The following EPB41L4A variants were observed in gnomAD, a reference collection of about 807,000 sequenced individuals.
EPB41L4A encodes the protein band 4.1-like protein 4A.
In EPB41L4A, 100 loss-of-function variants were observed where a neutral mutation model predicts 108.6. The observed-to-expected ratio is 0.92, with a 90% confidence interval of 0.78 to 1.09. The LOEUF (loss-of-function observed/expected upper bound fraction) is 1.09, where lower values mean the gene tolerates loss of function less well. Among genes scored for constraint, EPB41L4A ranks in the 50% least tolerant of loss-of-function variants. The pLI is 0.00. For missense variants in EPB41L4A, 1,030 were observed against 842.7 expected, an observed-to-expected ratio of 1.22 and a Z score of -2.75; for synonymous variants, 319 against 289.0, an observed-to-expected ratio of 1.10 and a Z score of -1.05.
At chr5:112,324,480 C>T (rs1231310327) in intron 1 of EPB41L4A, among the ~76,000 whole-genome samples, 2 of 152,008 alleles carry the variant, frequency 1.3e-5, no homozygotes, top group African/African-American at 2.4e-5. Flanking sequence ...AATCCTAACA[C>T]TTTGGAGGCC....
At chr5:112,191,028 TTC>T (rs1761670799) in intron 17 of EPB41L4A, among the ~76,000 whole-genome samples, 1 of 152,076 alleles carries the variant, frequency 6.6e-6, no homozygotes, top group African/African-American at 2.4e-5. Context: ...AATAAGAACT[TTC>T]TGTCATCTTA....
chr5:112,402,058 C>T (rs560377757), intron 1 of EPB41L4A, among the ~76,000 whole-genome samples: 4 of 152,314 alleles, frequency 2.6e-5, no homozygotes, highest in Admixed American at 6.5e-5. Context: ...TTTGCGTCCC[C>T]GCCCAAATCT....
chr5:112,194,197 G>C (rs918575490), intron 17 of EPB41L4A, among the ~76,000 whole-genome samples: 2 of 152,074 alleles, frequency 1.3e-5, no homozygotes, highest in African/African-American at 4.8e-5. Context: ...GTTATTTTTG[G>C]TTGGGTAAAA....
chr5:112,341,253 C>T (rs988447105), intron 1 of EPB41L4A, among the ~76,000 whole-genome samples: 1 of 152,166 alleles, frequency 6.6e-6, no homozygotes, highest in African/African-American at 2.4e-5. Context: ...TGAATGAATG[C>T]TTATCAACTT....
chr5:112,165,901 G>A (rs190900198), intron 22 of EPB41L4A, among the ~76,000 whole-genome samples: 44 of 152,254 alleles, frequency 2.9e-4, no homozygotes, highest in Admixed American at 5.2e-4. Flanking sequence ...TTGTTTTACT[G>A]ACATTCAAAA....
chr5:112,289,795 C>G (rs916306829), intron 2 of EPB41L4A, among the ~76,000 whole-genome samples: 1 of 152,212 alleles, frequency 6.6e-6, no homozygotes, highest in South Asian at 2.1e-4. Flanking sequence ...CATGAGCGGG[C>G]CCTCCCAAGC....
intron 1 of EPB41L4A, among the ~76,000 whole-genome samples, chr5:112,385,488 C>G (rs1387115382): frequency 2.7e-5 from 4 of 147,608 alleles, no homozygotes; most frequent in African/African-American, 5.1e-5. Context: ...GAACTGCCAG[C>G]CTTCATACTG....
At chr5:112,262,426 G>A (rs951912177) in intron 7 of EPB41L4A, 68 bp downstream of exon 7, 16 of 1,308,168 alleles carry the variant, frequency 1.2e-5, no homozygotes, top group South Asian at 9.6e-5. Context: ...TCCTTTGGGA[G>A]TCTCAGTGAC....
intron 9 of EPB41L4A, among the ~76,000 whole-genome samples, chr5:112,251,823 C>T (rs760290476): frequency 7.9e-5 from 12 of 152,008 alleles, no homozygotes; most frequent in African/African-American, 2.2e-4. Context: ...AGATTTCAAA[C>T]GAATACATGA....
intron 4 of EPB41L4A, among the ~76,000 whole-genome samples, chr5:112,268,364 C>A (rs1752014192): frequency 1.3e-5 from 2 of 151,502 alleles, no homozygotes; most frequent in South Asian, 4.2e-4. Context: ...GGTGACAGAG[C>A]AAGACCCTGT....
At chr5:112,375,105 T>C (rs374622917) in intron 1 of EPB41L4A, among the ~76,000 whole-genome samples, 31 of 152,270 alleles carry the variant, frequency 2.0e-4, no homozygotes, top group African/African-American at 7.5e-4. Context: ...TGTTTTGTCG[T>C]TGCTACTTTT....
At chr5:112,358,260 T>G (rs1758493645) in intron 1 of EPB41L4A, among the ~76,000 whole-genome samples, 1 of 152,232 alleles carries the variant, frequency 6.6e-6, no homozygotes, top group South Asian at 2.1e-4. Context: ...CACACATATA[T>G]TACACATACA....
At chr5:112,220,899 C>T (rs1276249515) in intron 12 of EPB41L4A, among the ~76,000 whole-genome samples, 1 of 152,186 alleles carries the variant, frequency 6.6e-6, no homozygotes, top group Non-Finnish European at 1.5e-5. Context: ...CTTTGCTAAG[C>T]CCCCCTCCAG....
rs772716070 is a variant in EPB41L4A at position 112,262,508 on chromosome 5, G to T, written c.628C>A (p.Leu210Ile). 1 of 1,613,674 alleles carries T rather than the reference G, an allele frequency of 6.2e-7. No homozygotes were observed. The highest frequency in any genetic ancestry group is 2.2e-5 in the East Asian group (1 of 44,858). Residue 210 changes from leucine to isoleucine, a missense_variant, in exon 7 of 23, where the codon CTC (leucine) becomes ATC (isoleucine). Transcript: ENST00000261486. ...ATGTTACTCACATAGACGGGATGGA[G>T]GTCAACGCCATACATCTCCAGGGAT... ...AKSLEMYGVD[L>I]HPVYGENKSE...
chr5:112,306,044 G>C (rs1016730100), intron 2 of EPB41L4A, among the ~76,000 whole-genome samples: 1 of 152,126 alleles, frequency 6.6e-6, no homozygotes, highest in African/African-American at 2.4e-5. Flanking sequence ...TTTAAAAAAG[G>C]TAAGGGGGAA....
intron 1 of EPB41L4A, among the ~76,000 whole-genome samples, chr5:112,396,688 C>G (rs1353977316): frequency 6.6e-6 from 1 of 152,176 alleles, no homozygotes; most frequent in Non-Finnish European, 1.5e-5. Context: ...GGCCTCACCA[C>G]AGGTCAGCTG....
chr5:112,296,988 C>CAT (rs746908057), intron 2 of EPB41L4A, among the ~76,000 whole-genome samples: 62 of 120,112 alleles, frequency 5.2e-4, no homozygotes, highest in African/African-American at 9.1e-4. Flanking sequence ...TATATACATA[C>CAT]ATACACACAC....
intron 2 of EPB41L4A, among the ~76,000 whole-genome samples, chr5:112,289,151 G>A (rs1033916701): frequency 6.6e-6 from 1 of 152,130 alleles, no homozygotes; most frequent in Non-Finnish European, 1.5e-5. Flanking sequence ...ATATGGTGTA[G>A]TGATGGAAGA....
At chr5:112,217,292 C>T (rs1030014706) in intron 12 of EPB41L4A, among the ~76,000 whole-genome samples, 4 of 152,242 alleles carry the variant, frequency 2.6e-5, no homozygotes, top group Non-Finnish European at 5.9e-5. Context: ...TTCTATAAAG[C>T]AAAAATAAAT....
Sources: allele counts gnomAD v4.1 joint callset (sites outside exome capture counted in the v4.1 genomes callset), GRCh38; gene constraint gnomAD v4.1.1; transcripts MANE v1.5; gene names NCBI Gene and HGNC (gene_info 2026-07-23, HGNC 2026-07-21).